Variants in ANKRD36C observed in about 807,000 individuals in gnomAD.
The protein encoded by ANKRD36C is ankyrin repeat domain 36C.
Under a neutral mutation model 276.4 loss-of-function variants are expected in ANKRD36C, and 61 were observed. The ratio of observed to expected loss-of-function variants is 0.22; its 90% CI spans 0.18 to 0.27. ANKRD36C has a LOEUF of 0.27. ANKRD36C is among the 10% of genes least tolerant of loss of function. The pLI is 1.00. For synonymous variants in ANKRD36C, 483 were observed against 680.1 expected (o/e 0.71, Z 4.51); for missense variants, 1,447 against 2,032.3 (o/e 0.71, Z 5.54).
At chr2:95,974,282 C>A (rs2104526051) in intron 6 of ANKRD36C, among the ~76,000 whole-genome samples, 1 of 152,152 alleles carries the variant, frequency 6.6e-6, no homozygotes, top group South Asian at 2.1e-4. Context: ...TTAAAAGAAA[C>A]TTAAAATCTT....
At chr2:95,912,164 C>G in intron 42 of ANKRD36C, 80 bp downstream of exon 44, 5 of 1,519,532 alleles carry the variant, frequency 3.3e-6, no homozygotes, top group Admixed American at 2.0e-5. Context: ...CAGCTTCGAC[C>G]AGCCCCCCAC....
chr2:95,921,547 G>A (rs1391447195), intron 34 of ANKRD36C, 60 bp downstream of exon 34: 5 of 1,559,510 alleles, frequency 3.2e-6, no homozygotes, highest in African/African-American at 1.4e-5. Context: ...TTTATTCGGG[G>A]TAGAGAAGTT....
chr2:95,855,901 T>C, exon 63 of ANKRD36C: 13 of 1,613,844 alleles, frequency 8.1e-6, no homozygotes, highest in Non-Finnish European at 1.1e-5. Context: ...CCGCTCTCTC[T>C]TTGCTTCTCC....
chr2:95,972,757 G>A (rs1678723910), intron 6 of ANKRD36C, among the ~76,000 whole-genome samples: 1 of 152,074 alleles, frequency 6.6e-6, no homozygotes, highest in South Asian at 2.1e-4. Flanking sequence ...ATTTCCGCAT[G>A]AATAAATCCA....
chr2:95,849,915 C>CT, downstream of ANKRD36C, among the ~76,000 whole-genome samples: 1 of 152,314 alleles, frequency 6.6e-6, no homozygotes, highest in Admixed American at 6.5e-5. Context: ...GCTGTGCAGC[C>CT]TGGTTCCTAA....
chr2:95,915,568 G>T (rs899922848), intron 38 of ANKRD36C, among the ~76,000 whole-genome samples: 1 of 151,462 alleles, frequency 6.6e-6, no homozygotes, highest in South Asian at 2.1e-4. Context: ...GGTCTCCTCA[G>T]TTCTCCTTCT....
At chr2:95,893,019 C>T (rs1676419758) in intron 44 of ANKRD36C, among the ~76,000 whole-genome samples, 1 of 150,866 alleles carries the variant, frequency 6.6e-6, no homozygotes, top group African/African-American at 2.4e-5. Context: ...CAGGTTTCCT[C>T]AGCGGAAACC....
intron 6 of ANKRD36C, among the ~76,000 whole-genome samples, chr2:95,963,972 AATATATATAT>A (rs1160108122): frequency 2.7e-4 from 13 of 48,988 alleles, no homozygotes; most frequent in Admixed American, 5.8e-4. Flanking sequence ...TATATATATA[AATATATATAT>A]ATATATATAT....
intron 6 of ANKRD36C, among the ~76,000 whole-genome samples, chr2:95,964,461 T>C (rs1678546468): frequency 6.6e-6 from 1 of 152,188 alleles, no homozygotes; most frequent in Middle Eastern, 3.4e-3. Context: ...GTGGACTTCA[T>C]TCTTTGCCCT....
intron 30 of ANKRD36C, among the ~76,000 whole-genome samples, chr2:95,924,966 A>G (rs1360142358): frequency 2.6e-5 from 4 of 151,590 alleles, no homozygotes; most frequent in African/African-American, 9.7e-5. Flanking sequence ...AGGTTATTAT[A>G]ACAATTTCCT....
At chr2:95,868,271 C>G (rs535205218) in intron 59 of ANKRD36C, among the ~76,000 whole-genome samples, 2 of 150,584 alleles carry the variant, frequency 1.3e-5, no homozygotes, top group African/African-American at 4.9e-5. Context: ...TTTGTAACAA[C>G]AGAAACACCA....
At chr2:95,922,730 G>A (rs1289561722) in intron 32 of ANKRD36C, among the ~76,000 whole-genome samples, 2 of 151,610 alleles carry the variant, frequency 1.3e-5, no homozygotes, top group African/African-American at 4.8e-5. Flanking sequence ...TTATCCGTGA[G>A]ATAGCTCTTT....
chr2:95,938,362 CAT>C (rs1184173509), intron 22 of ANKRD36C, among the ~76,000 whole-genome samples: 4 of 152,302 alleles, frequency 2.6e-5, no homozygotes, highest in Admixed American at 1.3e-4. Flanking sequence ...TACACACACA[CAT>C]ACACATGCAG....
intron 17 of ANKRD36C, among the ~76,000 whole-genome samples, chr2:95,946,057 T>C (rs1404418394): frequency 6.6e-6 from 1 of 151,094 alleles, no homozygotes; most frequent in Non-Finnish European, 1.5e-5. Context: ...AAGTTTAATT[T>C]GTTTACTATA....
rs530537181 is a variant in ANKRD36C at position 95,975,853 on chromosome 2, A to G, written c.799+2269T>C. 2.5e-4 allele frequency among the ~76,000 whole-genome samples: 38 copies of G among 152,222 alleles called. No individual in the cohort carries two copies. The South Asian group carries it at 3.7e-3, about 15-fold the overall frequency. On this transcript the variant is annotated intron_variant, in intron 6 of 66. Coordinates refer to ENST00000456556, the Ensembl canonical transcript of ANKRD36C. ...GAGTGAACAGGCAACCTACAGAATG[A>G]GAGAAAATTTTTGCAACTTACTCAT...
chr2:95,923,614 T>C (rs1258810496), intron 31 of ANKRD36C, 47 bp from the exon 32 acceptor site: 4 of 1,608,912 alleles, frequency 2.5e-6, no homozygotes, highest in Non-Finnish European at 3.4e-6. Context: ...GTATGTTTCA[T>C]GGACTATACA....
chr2:95,893,170 T>C (rs1399226036), intron 44 of ANKRD36C, among the ~76,000 whole-genome samples: 1 of 151,436 alleles, frequency 6.6e-6, no homozygotes, highest in East Asian at 2.0e-4. Flanking sequence ...CTGTCTGTTT[T>C]TAGCAGTACG....
At chr2:95,892,872 G>C (rs1252336495) in intron 44 of ANKRD36C, among the ~76,000 whole-genome samples, 1 of 151,226 alleles carries the variant, frequency 6.6e-6, no homozygotes, top group Non-Finnish European at 1.5e-5. Context: ...ATGCCTAATA[G>C]TAACAAAGAG....
At chr2:95,872,719 A>G (rs1183249581) in intron 59 of ANKRD36C, among the ~76,000 whole-genome samples, 2 of 152,120 alleles carry the variant, frequency 1.3e-5, no homozygotes, top group African/African-American at 4.8e-5. Context: ...AAAATTAATG[A>G]ATCCAGGAGC....
Sources: allele counts gnomAD v4.1 joint callset (sites outside exome capture counted in the v4.1 genomes callset), GRCh38; gene constraint gnomAD v4.1.1; transcripts MANE v1.5; gene names NCBI Gene and HGNC (gene_info 2026-07-23, HGNC 2026-07-21).